Variants in ADPRM observed in about 807,000 individuals in gnomAD.
ADPRM encodes the protein manganese-dependent ADP-ribose/CDP-alcohol diphosphatase.
Under a neutral mutation model 27.2 loss-of-function variants are expected in ADPRM, and 17 were observed. The ratio of observed to expected loss-of-function variants is 0.63; its 90% CI spans 0.43 to 0.94. The LOEUF (loss-of-function observed/expected upper bound fraction) is 0.94. Ranked by LOEUF, ADPRM falls within the 40% of genes least tolerant of loss-of-function variation. The pLI is 0.00. For missense variants in ADPRM, 337 were observed against 412.8 expected, an observed-to-expected ratio of 0.82 and a Z score of 1.59; for synonymous variants, 135 against 145.3, an observed-to-expected ratio of 0.93 and a Z score of 0.51.
In ADPRM at chr17:10,697,634, G is replaced by C; in HGVS notation, c.-51G>C. ...TGGTGGCGCTGTTACATAGCCCGTA[G>C]TCAGAGGCCTTTCAGCCCAGGGGCC... On this transcript the variant is annotated 5_prime_UTR_variant, in exon 1 of 4. Transcript: ENST00000379774. 2.5e-6 allele frequency: 3 copies of C among 1,202,980 alleles called. No individual in the cohort carries two copies. The highest frequency in any genetic ancestry group is 3.6e-6 in the Non-Finnish European group (3 of 833,964). The allele number at this position is 1,202,980 out of a possible 1,614,324, so 74.5% of individuals were successfully genotyped here.
intron 1 of ADPRM, among the ~76,000 whole-genome samples, chr17:10,703,044 A>G (rs2074788543): frequency 1.3e-5 from 2 of 152,186 alleles, no homozygotes; most frequent in African/African-American, 2.4e-5. Context: ...AAGAGTTAAT[A>G]TAACTCTTAA....
chr17:10,705,069 G>C lies in ADPRM; in HGVS notation c.143G>C (p.Ser48Thr). ...ACCAGGCGGCGATACTACAGACATA[G>C]TCTTCTTCACTTACAGGGTGCCATT... ...QGTRRRYYRH[S>T]LLHLQGAIED... Residue 48 changes from serine to threonine, a missense_variant, in exon 2 of 4, where the codon AGT becomes ACT. Ser to Thr is a moderately conservative substitution (Grantham distance 58, BLOSUM62 1). Coordinates refer to ENST00000379774, the MANE Select transcript of ADPRM (RefSeq NM_020233.5). This position sits in a 1 kb window ranked among gnomAD's most constrained non-coding sequence, Gnocchi z 5.4. 6.2e-7 allele frequency: 1 copy of C among 1,614,132 alleles called. No homozygotes were observed. The highest frequency in any genetic ancestry group is 8.5e-7 in the Non-Finnish European group (1 of 1,180,030).
intron 3 of ADPRM, among the ~76,000 whole-genome samples, chr17:10,707,132 T>G (rs1451223336): frequency 2.0e-5 from 3 of 151,978 alleles, no homozygotes; most frequent in Non-Finnish European, 4.4e-5. Flanking sequence ...GACATAAAAA[T>G]TACCAAGAAA....
intron 3 of ADPRM, among the ~76,000 whole-genome samples, chr17:10,709,866 T>C (rs923281814): frequency 2.0e-5 from 3 of 152,204 alleles, no homozygotes; most frequent in Non-Finnish European, 2.9e-5. Flanking sequence ...CGTGGCTTGA[T>C]CATAGATGTG....
chr17:10,703,976 G>T (rs935957708), intron 1 of ADPRM, among the ~76,000 whole-genome samples: 1 of 152,086 alleles, frequency 6.6e-6, no homozygotes, highest in African/African-American at 2.4e-5. Flanking sequence ...AAGAAGAAAA[G>T]ATTTCATATT....
chr17:10,699,803 A>T (rs1462704437), intron 1 of ADPRM, among the ~76,000 whole-genome samples: 2 of 152,116 alleles, frequency 1.3e-5, no homozygotes, highest in East Asian at 3.9e-4. Context: ...AAGTGCTAGG[A>T]TTACAGGCTT....
At position 10,711,093 on chromosome 17, in the gene ADPRM, A is replaced by G; in HGVS notation, c.978A>G (p.Arg326=). The stretch of plus-strand genomic sequence containing the variant: ...AAATGATGTTGAAAGGGAGAGGCAG[A>G]GTTCCAGATAGAATTATGAATTACA... ...PDKMMLKGRG[R]VPDRIMNYKK... is the part of the protein sequence containing the mutation. Residue 326 remains arginine (R), a synonymous_variant, in exon 4 of 4, where the codon AGA becomes AGG. Transcript: ENST00000379774. 6.2e-7 allele frequency: 1 copy of G among 1,613,478 alleles called. No homozygotes were observed. Among genetic ancestry groups the G allele is most frequent in the Non-Finnish European group, 8.5e-7 (1 of 1,179,388 alleles).
chr17:10,697,734 C>G, intron 1 of ADPRM, 67 bp downstream of exon 1: 1 of 620,524 alleles, frequency 1.6e-6, no homozygotes, highest in Non-Finnish European at 2.8e-6. Context: ...GGCCGCGGGA[C>G]AGCGGAGCGC....
At chr17:10,698,398 T>G (rs1389333415) in intron 1 of ADPRM, 1 of 152,238 alleles carries the variant, frequency 6.6e-6, no homozygotes, top group East Asian at 1.9e-4. Context: ...TCATTTCATC[T>G]GCCTTTATTT....
At position 10,698,882 on chromosome 17, in the gene ADPRM, G is replaced by C. The variant is rs2074754777; in HGVS notation, c.-18+1215G>C. ...GTTTGCCCAGGGATAATTTTTTCTT[G>C]TAATTGACAAAAAGACATAAAAGTA... is the stretch of plus-strand genomic sequence containing the variant. On this transcript the variant is annotated intron_variant, in intron 1 of 3. Coordinates refer to ENST00000379774, the MANE Select transcript of ADPRM (RefSeq NM_020233.5). 3 of 151,934 alleles carry C rather than the reference G, an allele frequency of 2.0e-5. 1 individual carries two copies. In the South Asian group the frequency reaches 6.2e-4, roughly 31 times the overall value. The allele number at this position is 151,934 out of a possible 1,614,324, so 9.4% of individuals were successfully genotyped here.
rs1043608014 is a variant in ADPRM at position 10,706,424 on chromosome 17, T to C, written c.602-14T>C. Reference sequence around the variant, plus strand: ...AAATGACTTGATGGGGCTAACTTACTGAATTCATTTCAGGACTTTCTGAGC... The same window carrying C: ...AAATGACTTGATGGGGCTAACTTACCGAATTCATTTCAGGACTTTCTGAGC... On this transcript the variant is annotated splice_polypyrimidine_tract_variant and intron_variant, in intron 2 of 3. Coordinates refer to ENST00000379774, the MANE Select transcript of ADPRM (RefSeq NM_020233.5). 3.8e-6 allele frequency: 6 copies of C among 1,575,418 alleles called. No homozygotes were observed. Among genetic ancestry groups the C allele is most frequent in the East Asian group, 2.3e-5 (1 of 43,274 alleles).
intron 1 of ADPRM, chr17:10,699,296 T>A (rs1357981840): frequency 6.6e-6 from 1 of 151,908 alleles, no homozygotes; most frequent in African/African-American, 2.4e-5. Flanking sequence ...AAATATAAAA[T>A]ATAGTTCCTG....
At position 10,708,429 on chromosome 17, in the gene ADPRM, C is replaced by CAAAAAAAAA. The variant is rs1206878055; in HGVS notation, c.718+1888_718+1896dup. Among the ~76,000 whole-genome samples the CAAAAAAAAA allele has an allele frequency of 8.2e-4, 25 of 30,576 alleles. 1 individual carries two copies. Among genetic ancestry groups the CAAAAAAAAA allele is most frequent in the African/African-American group, 4.0e-3 (23 of 5,796 alleles). The allele number at this position is 30,576 out of a possible 152,430, so 20.1% of individuals were successfully genotyped here. A position where few individuals can be genotyped will look rare whatever the true frequency, so the allele number is the denominator to read the frequency against. On this transcript the variant is annotated intron_variant, in intron 3 of 3. Transcript: ENST00000379774. ...GGGCAACAAGAGTGAAACTCCGTCT[C>CAAAAAAAAA]AAAAAAAAAAAAAAAAAAAAACCTT...
In ADPRM at chr17:10,702,885, T is replaced by C. The variant is rs1317385273; in HGVS notation, c.-17-2025T>C. Among the ~76,000 whole-genome samples, 1 of 152,112 alleles carries C rather than the reference T, an allele frequency of 6.6e-6. No homozygotes were observed. The highest frequency in any genetic ancestry group is 2.4e-5 in the African/African-American group (1 of 41,444). ...GCTGGGTAGGCAAAAATAACAGCTGTCCACTGGAGAGAAGATCCAATTCAT... is the reference window on the plus strand; with the variant it reads ...GCTGGGTAGGCAAAAATAACAGCTGCCCACTGGAGAGAAGATCCAATTCAT... On this transcript the variant is annotated intron_variant, in intron 1 of 3. Transcript: ENST00000379774. The surrounding 1 kb of genome is among the most constrained non-coding windows in gnomAD (Gnocchi z 4.2).
intron 1 of ADPRM, among the ~76,000 whole-genome samples, chr17:10,698,669 T>A (rs2074752844): frequency 6.6e-6 from 1 of 152,218 alleles, no homozygotes; most frequent in Non-Finnish European, 1.5e-5. Flanking sequence ...ACTGTTCTGT[T>A]CTCTAACCCA....
intron 1 of ADPRM, chr17:10,697,868 G>T: frequency 3.2e-6 from 1 of 317,020 alleles, no homozygotes; most frequent in Non-Finnish European, 5.9e-6. Flanking sequence ...TCGCGCCGGG[G>T]ACACCCCCAC....
chr17:10,699,894 TATCAATAGTG>T (rs2074765430), intron 1 of ADPRM, among the ~76,000 whole-genome samples: 1 of 152,208 alleles, frequency 6.6e-6, no homozygotes, highest in Non-Finnish European at 1.5e-5. Flanking sequence ...ATATTGGTTC[TATCAATAGTG>T]ATCAGATTTT....
At position 10,711,319 on chromosome 17, in the gene ADPRM, C is replaced by T; in HGVS notation, c.*175C>T. The T allele has an allele frequency of 1.6e-6, 1 of 633,350 alleles. No homozygotes were observed. Among genetic ancestry groups the T allele is most frequent in the Non-Finnish European group, 2.7e-6 (1 of 377,034 alleles). The allele number at this position is 633,350 out of a possible 1,614,324, so 39.2% of individuals were successfully genotyped here. Reference sequence around the variant, plus strand: ...AGAAATGTTATTTTGGATCATGTATCCATTGTAAGTTAGAAACAAACCAGG... The same window carrying T: ...AGAAATGTTATTTTGGATCATGTATTCATTGTAAGTTAGAAACAAACCAGG... On this transcript the variant is annotated 3_prime_UTR_variant, in exon 4 of 4. Transcript: ENST00000379774.
rs1567579883 is a variant in ADPRM, at chr17:10,704,194, C to CCACAA, written c.-17-716_-17-715insCACAA. Among the ~76,000 whole-genome samples, 13 of 151,054 alleles carry CCACAA rather than the reference C, an allele frequency of 8.6e-5. 1 individual carries two copies. Among genetic ancestry groups the CCACAA allele is most frequent in the African/African-American group, 3.0e-4 (12 of 40,632 alleles). On this transcript the variant is annotated intron_variant, in intron 1 of 3. Coordinates refer to ENST00000379774, the MANE Select transcript of ADPRM (RefSeq NM_020233.5). ...CCCTGTCAAAAACAAAAACAAAAAC[C>CCACAA]ACAAACAAAGCAAATTTTAATCCCA...
Sources: allele counts gnomAD v4.1 joint callset (sites outside exome capture counted in the v4.1 genomes callset), GRCh38; gene constraint gnomAD v4.1.1; non-coding constraint Gnocchi (gnomAD v3.1); transcripts MANE v1.5; gene names NCBI Gene and HGNC (gene_info 2026-07-23, HGNC 2026-07-21).